LRRC37A2: variants seen among roughly 807,000 people sequenced by gnomAD.
The protein encoded by LRRC37A2 is leucine rich repeat containing 37 member A2, also known as leucine-rich repeat-containing protein 37A2.
In LRRC37A2, 9 loss-of-function variants were observed where a neutral mutation model predicts 68.8. That is an observed-to-expected ratio of 0.13 (90% CI 0.08 to 0.23). The LOEUF (loss-of-function observed/expected upper bound fraction) is 0.23. Ranked by LOEUF, LRRC37A2 falls within the 10% of genes least tolerant of loss-of-function variation. The probability of loss-of-function intolerance (pLI) is 1.00; values close to 1 mark genes in which losing one functional copy is unlikely to be tolerated. For synonymous variants in LRRC37A2, 63 were observed against 367.6 expected (o/e 0.17, Z 9.48); for missense variants, 168 against 950.4 (o/e 0.18, Z 10.82).
At chr17:46,549,061 C>T in exon 10 of LRRC37A2, 1 of 1,612,096 alleles carries the variant, frequency 6.2e-7, no homozygotes, top group Non-Finnish European at 8.5e-7. Context: ...ATACCGCTTT[C>T]ACAAAACTCG....
the LRRC37A2 span, among the ~76,000 whole-genome samples, chr17:46,987,732 T>C: frequency 6.6e-6 from 1 of 152,228 alleles, no homozygotes; most frequent in South Asian, 2.1e-4. Context: ...AGCCCAGCTA[T>C]TTATCACTAG....
the LRRC37A2 span, among the ~76,000 whole-genome samples, chr17:47,026,834 CTT>C: frequency 6.6e-6 from 1 of 152,090 alleles, no homozygotes; most frequent in South Asian, 2.1e-4. Context: ...GAAAGGATGT[CTT>C]TTATTTCTTC....
the LRRC37A2 span, among the ~76,000 whole-genome samples, chr17:47,035,288 CA>C: frequency 6.6e-6 from 1 of 152,114 alleles, no homozygotes; most frequent in Non-Finnish European, 1.5e-5. Context: ...CATCATCCCC[CA>C]AAAAAACATG....
the LRRC37A2 span, among the ~76,000 whole-genome samples, chr17:46,809,228 G>T: frequency 2.6e-5 from 4 of 152,196 alleles, no homozygotes; most frequent in African/African-American, 9.7e-5. Flanking sequence ...CAGAGCAGGG[G>T]AGTGGCACCC....
At chr17:46,438,292 G>A in the LRRC37A2 span, among the ~76,000 whole-genome samples, 1 of 63,554 alleles carries the variant, frequency 1.6e-5, no homozygotes, top group Non-Finnish European at 4.2e-5. Flanking sequence ...TATTGCCACA[G>A]TCAAAAGATC....
chr17:46,787,950 T>C, the LRRC37A2 span, among the ~76,000 whole-genome samples: 1 of 143,996 alleles, frequency 6.9e-6, no homozygotes, highest in Admixed American at 7.0e-5. Context: ...AGTGAGACTC[T>C]GCCTCAGAAA....
the LRRC37A2 span, among the ~76,000 whole-genome samples, chr17:46,905,328 G>A: frequency 1.3e-5 from 2 of 151,996 alleles, no homozygotes; most frequent in Non-Finnish European, 2.9e-5. Flanking sequence ...CACCTGCCTC[G>A]GCCTCCCAAA....
the LRRC37A2 span, among the ~76,000 whole-genome samples, chr17:46,883,632 C>T: frequency 6.6e-6 from 1 of 152,146 alleles, no homozygotes; most frequent in Admixed American, 6.5e-5. Flanking sequence ...AGAGAGGTTC[C>T]CTTGCTACAC....
chr17:46,957,775 C>T, the LRRC37A2 span, among the ~76,000 whole-genome samples: 15 of 152,074 alleles, frequency 9.9e-5, no homozygotes, highest in African/African-American at 2.4e-5. Flanking sequence ...GTAGAAGCAG[C>T]GATGGGGAAA....
At chr17:46,743,095 G>C in the LRRC37A2 span, among the ~76,000 whole-genome samples, 2 of 152,068 alleles carry the variant, frequency 1.3e-5, no homozygotes, top group East Asian at 3.9e-4. Flanking sequence ...TCCTTCGGAG[G>C]GGGTGTCTGA....
rs1202779609 is a variant in LRRC37A2 at position 46,532,002 on chromosome 17, G to A, written c.2906+8118G>A. On this transcript the variant is annotated intron_variant, in intron 6 of 14. Coordinates refer to ENST00000576629, the Ensembl canonical transcript of LRRC37A2. ...CTTATAATCGTGTGAGATGTAGGGG[G>A]TCCACCTTCATTATTTTGCACATAG... 1.3e-5 allele frequency among the ~76,000 whole-genome samples: 2 copies of A among 148,738 alleles called. 1 individual carries two copies. The highest frequency in any genetic ancestry group is 2.9e-5 in the Non-Finnish European group (2 of 67,814).
At chr17:46,950,077 G>C in the LRRC37A2 span, among the ~76,000 whole-genome samples, 4 of 152,278 alleles carry the variant, frequency 2.6e-5, no homozygotes, top group African/African-American at 7.2e-5. Flanking sequence ...CCTGGAGGGA[G>C]CATGGGATAA....
chr17:46,915,956 C>T, the LRRC37A2 span, among the ~76,000 whole-genome samples: 1 of 152,218 alleles, frequency 6.6e-6, no homozygotes. Flanking sequence ...CACCACCAAC[C>T]CTTGAGGTTG....
At chr17:46,910,987 T>C in the LRRC37A2 span, among the ~76,000 whole-genome samples, 1 of 152,162 alleles carries the variant, frequency 6.6e-6, no homozygotes, top group Non-Finnish European at 1.5e-5. Flanking sequence ...GACATGCATA[T>C]GGCGGTGCCA....
the LRRC37A2 span, among the ~76,000 whole-genome samples, chr17:47,043,456 G>A: frequency 2.7e-5 from 4 of 150,172 alleles, no homozygotes; most frequent in South Asian, 2.1e-4. Flanking sequence ...CCAAGATTGC[G>A]CCACTGCACT....
At chr17:46,919,998 C>T in the LRRC37A2 span, among the ~76,000 whole-genome samples, 1 of 152,014 alleles carries the variant, frequency 6.6e-6, no homozygotes, top group Non-Finnish European at 1.5e-5. Context: ...TCGTTCTAAC[C>T]TTTCTTCGAC....
chr17:46,737,017 T>G, the LRRC37A2 span, among the ~76,000 whole-genome samples: 1 of 152,264 alleles, frequency 6.6e-6, no homozygotes, highest in Admixed American at 6.5e-5. Context: ...GGAAGTTTCT[T>G]TTTCACCAAA....
the LRRC37A2 span, among the ~76,000 whole-genome samples, chr17:47,014,074 C>T: frequency 6.6e-6 from 1 of 151,096 alleles, no homozygotes; most frequent in African/African-American, 2.5e-5. Flanking sequence ...GCCTGGGCAA[C>T]AAGAGTGAGA....
At chr17:46,751,604 G>A in the LRRC37A2 span, 16 of 1,610,656 alleles carry the variant, frequency 9.9e-6, no homozygotes, top group Admixed American at 2.7e-4. Flanking sequence ...TGCTGATCGA[G>A]ATGTCCCTAC....
Sources: allele counts gnomAD v4.1 joint callset (sites outside exome capture counted in the v4.1 genomes callset), GRCh38; gene constraint gnomAD v4.1.1; transcripts MANE v1.5; gene names NCBI Gene and HGNC (gene_info 2026-07-23, HGNC 2026-07-21).